The following NLGN4Y variants were observed in gnomAD, a reference collection of about 807,000 sequenced individuals.
NLGN4Y encodes the protein neuroligin 4 Y-linked.
In NLGN4Y, 4 loss-of-function variants were observed where a neutral mutation model predicts 8.4. The observed-to-expected ratio is 0.48, with a 90% CI of 0.23 to 1.09. NLGN4Y has a LOEUF of 1.09. Ranked by LOEUF, NLGN4Y falls within the 50% of genes least tolerant of loss-of-function variation. NLGN4Y has a pLI of 0.19. For synonymous variants in NLGN4Y, 35 were observed against 75.6 expected, an observed-to-expected ratio of 0.46 and a Z score of 2.78; for missense variants, 90 against 192.3, an observed-to-expected ratio of 0.47 and a Z score of 3.15.
At chrY:14,840,346 T>C in intron 6 of NLGN4Y, 67 bp from the exon 7 acceptor site, 1 of 368,354 alleles carries the variant, frequency 2.7e-6, no homozygotes, top group East Asian at 9.4e-5. Context: ...GATTTATTGG[T>C]TTAAGATAAT....
chrY:14,752,314 T>A (rs2081044182), intron 4 of NLGN4Y, among the ~76,000 whole-genome samples: 1 of 33,124 alleles, frequency 3.0e-5, no homozygotes, highest in Non-Finnish European at 7.4e-5. Flanking sequence ...TAGCAAATAT[T>A]CTTTCCTTGT....
chrY:14,544,858 C>T (rs2080163457), intron 1 of NLGN4Y, among the ~76,000 whole-genome samples: 1 of 30,108 alleles, frequency 3.3e-5, no homozygotes, highest in African/African-American at 1.3e-4. Flanking sequence ...TATACATGTG[C>T]CATGCTGGTG....
At chrY:14,648,635 T>A in intron 2 of NLGN4Y, among the ~76,000 whole-genome samples, 1 of 31,661 alleles carries the variant, frequency 3.2e-5, no homozygotes, top group Non-Finnish European at 7.6e-5. Flanking sequence ...AATATTGTTA[T>A]ATGAGGGAGT....
At chrY:14,687,645 A>G in intron 2 of NLGN4Y, among the ~76,000 whole-genome samples, 1 of 32,789 alleles carries the variant, frequency 3.0e-5, no homozygotes, top group South Asian at 6.9e-4. Flanking sequence ...GTTACCTCCC[A>G]TTACTTCCTT....
At chrY:14,540,026 A>G in intron 1 of NLGN4Y, among the ~76,000 whole-genome samples, 1 of 27,182 alleles carries the variant, frequency 3.7e-5, no homozygotes, top group Non-Finnish European at 8.6e-5. Context: ...TGAGTCCGGC[A>G]AGCCAAGATC....
chrY:14,533,983 TC>T (rs2080122587), intron 1 of NLGN4Y, among the ~76,000 whole-genome samples: 5 of 33,649 alleles, frequency 1.5e-4, no homozygotes, highest in Non-Finnish European at 3.7e-4. Context: ...TTTTTTTCTA[TC>T]CAGTCTATCA....
chrY:14,589,570 G>A, intron 1 of NLGN4Y, among the ~76,000 whole-genome samples: 5 of 31,191 alleles, frequency 1.6e-4, no homozygotes, highest in Admixed American at 2.8e-4. Flanking sequence ...GACTCTCCAC[G>A]TCCTCACAAG....
intron 1 of NLGN4Y, among the ~76,000 whole-genome samples, chrY:14,582,395 T>C (rs2080322252): frequency 3.0e-5 from 1 of 33,102 alleles, no homozygotes; most frequent in Non-Finnish European, 7.4e-5. Flanking sequence ...TGCTTGAGCC[T>C]GAAAGATTGA....
intron 1 of NLGN4Y, among the ~76,000 whole-genome samples, chrY:14,607,629 G>A (rs2080451412): frequency 3.0e-5 from 1 of 33,855 alleles, no homozygotes; most frequent in Non-Finnish European, 7.4e-5. Flanking sequence ...TATCATTGAT[G>A]GGCATTTGGT....
intron 1 of NLGN4Y, chrY:14,524,945 G>A (rs1569353993): frequency 1.7e-5 from 2 of 119,408 alleles, no homozygotes; most frequent in Non-Finnish European, 3.6e-5. Context: ...CGGTAGGTTG[G>A]GGTCCCTCGG....
chrY:14,628,230 G>A (rs2080535664), intron 2 of NLGN4Y, among the ~76,000 whole-genome samples: 1 of 34,077 alleles, frequency 2.9e-5, no homozygotes, highest in Non-Finnish European at 7.3e-5. Flanking sequence ...TGTTTTGCTA[G>A]CAATACAATC....
intron 1 of NLGN4Y, among the ~76,000 whole-genome samples, chrY:14,567,558 C>T: frequency 7.6e-5 from 2 of 26,399 alleles, no homozygotes; most frequent in Non-Finnish European, 1.7e-4. Context: ...AACAGGGTCT[C>T]ATTCTGTCAC....
chrY:14,568,774 T>A (rs2080260931), intron 1 of NLGN4Y, among the ~76,000 whole-genome samples: 1 of 32,962 alleles, frequency 3.0e-5, no homozygotes, highest in African/African-American at 1.2e-4. Flanking sequence ...ATATATATTT[T>A]TTTTAAATTT....
rs1260304424 is a variant in NLGN4Y, at chrY:14,842,918, T to C, written c.*1656T>C. ...GCAGAAGGAAACACAGTAGCAATGG[T>C]TGCTCTATATTTTGTCTTTCAAAGA... On this transcript the variant is annotated 3_prime_UTR_variant, in exon 7 of 7. Coordinates refer to ENST00000684976, the MANE Select transcript of NLGN4Y (RefSeq NM_001365588.1). 3.3e-5 allele frequency: 4 copies of C among 121,568 alleles called. No individual in the cohort carries two copies. The Admixed American group carries it at 4.1e-4, about 12-fold the overall frequency. The allele number at this position is 121,568 out of a possible 400,897, so 30.3% of individuals were successfully genotyped here. A position where few individuals can be genotyped will look rare whatever the true frequency, so the allele number is the denominator to read the frequency against.
chrY:14,733,778 A>G (rs940032715), intron 4 of NLGN4Y, among the ~76,000 whole-genome samples: 1 of 33,012 alleles, frequency 3.0e-5, no homozygotes, highest in Non-Finnish European at 7.4e-5. Flanking sequence ...GGAGAAGCAC[A>G]TGTGAGAGGG....
chrY:14,665,237 T>C, intron 2 of NLGN4Y, among the ~76,000 whole-genome samples: 5 of 33,244 alleles, frequency 1.5e-4, no homozygotes. Context: ...AAAATAGACA[T>C]ATTTTCTTAT....
chrY:14,546,410 C>G, intron 1 of NLGN4Y, among the ~76,000 whole-genome samples: 1 of 32,722 alleles, frequency 3.1e-5, no homozygotes, highest in South Asian at 7.0e-4. Flanking sequence ...TACCCATGAG[C>G]ATGGAATGTT....
chrY:14,708,091 G>GT (rs2080888463), intron 2 of NLGN4Y, among the ~76,000 whole-genome samples: 4 of 32,718 alleles, frequency 1.2e-4, no homozygotes, highest in East Asian at 7.8e-4. Flanking sequence ...ATTTTATCAA[G>GT]TTTTTTTAAA....
intron 2 of NLGN4Y, among the ~76,000 whole-genome samples, chrY:14,651,178 T>C (rs866710242): frequency 1.5e-4 from 5 of 33,814 alleles, no homozygotes; most frequent in Non-Finnish European, 2.9e-4. Context: ...ACAAATGACA[T>C]ATGTTTTCCA....
Sources: gnomAD v4.1 joint callset for allele counts (sites outside exome capture counted in the v4.1 genomes callset) on GRCh38, gnomAD v4.1.1 for gene constraint, MANE v1.5 for transcripts, NCBI Gene and HGNC (gene_info 2026-07-23, HGNC 2026-07-21) for gene names.